Variants in TRPM1 observed in about 807,000 individuals in gnomAD.
The protein encoded by TRPM1 is TRPM1-203 APA Isoform, Intron 10.
A neutral mutation model predicts 149.4 loss-of-function variants in TRPM1; 113 were observed. The ratio of observed to expected loss-of-function variants is 0.76; its 90% CI spans 0.65 to 0.88. TRPM1 has a LOEUF of 0.88. Ranked by LOEUF, TRPM1 falls within the 40% of genes least tolerant of loss-of-function variation. The probability of loss-of-function intolerance (pLI) is 0.00; values close to 1 mark genes in which losing one functional copy is unlikely to be tolerated. For missense variants in TRPM1, 1,976 were observed against 2,038.7 expected, an observed-to-expected ratio of 0.97 and a Z score of 0.59; for synonymous variants, 741 against 759.5, an observed-to-expected ratio of 0.98 and a Z score of 0.40.
intron 22 of TRPM1, among the ~76,000 whole-genome samples, chr15:31,032,160 T>C (rs1413876906): frequency 1.3e-5 from 2 of 152,168 alleles, no homozygotes; most frequent in African/African-American, 4.8e-5. Flanking sequence ...ATTTTGCTAC[T>C]GAATTCCTAT....
chr15:31,057,197 A>C (rs765029829), intron 11 of TRPM1, among the ~76,000 whole-genome samples: 9 of 152,192 alleles, frequency 5.9e-5, no homozygotes, highest in Non-Finnish European at 1.3e-4. Flanking sequence ...GAGAATAGAT[A>C]TGGCTGCAGC....
chr15:31,150,686 A>G (rs201701661), intron 1 of TRPM1, among the ~76,000 whole-genome samples: 6 of 152,078 alleles, frequency 3.9e-5, no homozygotes, highest in Non-Finnish European at 8.8e-5. Flanking sequence ...CACCCGCCTC[A>G]GCCTCCCAAA....
Position 31,081,369 on chromosome 15 carries a change from G to A in TRPM1, c.-14C>T. ...GGTATTAACCATGAGTTTTCAAAAA[G>A]TTGATATAAGGAAATAGCCTCAGTC... On this transcript the variant is annotated 5_prime_UTR_variant, in exon 2 of 28. Transcript: ENST00000256552. 2.0e-6 allele frequency: 3 copies of A among 1,533,970 alleles called. No individual in the cohort carries two copies. Among genetic ancestry groups the A allele is most frequent in the Non-Finnish European group, 2.6e-6 (3 of 1,145,704 alleles).
At chr15:31,135,383 T>C (rs1366745875) in intron 1 of TRPM1, among the ~76,000 whole-genome samples, 1 of 152,126 alleles carries the variant, frequency 6.6e-6, no homozygotes, top group African/African-American at 2.4e-5. Flanking sequence ...TTGAACATGA[T>C]AAATGCATAC....
intron 1 of TRPM1, among the ~76,000 whole-genome samples, chr15:31,149,627 C>T: frequency 6.6e-6 from 1 of 150,448 alleles, no homozygotes; most frequent in Non-Finnish European, 1.5e-5. Context: ...TCACGCCATT[C>T]TCCTGCCTCA....
At chr15:31,159,763 C>T (rs946637026) in intron 1 of TRPM1, among the ~76,000 whole-genome samples, 23 of 152,264 alleles carry the variant, frequency 1.5e-4, no homozygotes, top group African/African-American at 4.6e-4. Context: ...ATTTTATGGA[C>T]GGGGAGACTG....
chr15:31,119,629 T>C (rs1377116885), intron 1 of TRPM1, among the ~76,000 whole-genome samples: 1 of 151,712 alleles, frequency 6.6e-6, no homozygotes, highest in East Asian at 1.9e-4. Flanking sequence ...TTAATTTATC[T>C]AACAGATAAC....
intron 11 of TRPM1, among the ~76,000 whole-genome samples, chr15:31,058,367 C>T (rs915502413): frequency 6.6e-6 from 1 of 152,186 alleles, no homozygotes; most frequent in African/African-American, 2.4e-5. Context: ...AACCTTGATG[C>T]CTGTCATATT....
intron 20 of TRPM1, among the ~76,000 whole-genome samples, chr15:31,037,339 T>A (rs1396322060): frequency 6.6e-6 from 1 of 152,230 alleles, no homozygotes; most frequent in African/African-American, 2.4e-5. Context: ...ACCAATTTCA[T>A]GAAAAATGGA....
chr15:31,083,619 G>A (rs1045027095), intron 1 of TRPM1, among the ~76,000 whole-genome samples: 3 of 152,196 alleles, frequency 2.0e-5, no homozygotes, highest in African/African-American at 7.2e-5. Context: ...CTTATATGCA[G>A]AAAGGATTAA....
At chr15:31,068,388 T>G (rs145250383) in intron 4 of TRPM1, among the ~76,000 whole-genome samples, 1 of 152,200 alleles carries the variant, frequency 6.6e-6, no homozygotes, top group African/African-American at 2.4e-5. Flanking sequence ...AGGTGGGATG[T>G]TAGAAGGTGA....
chr15:31,047,618 C>T (rs1490883574), intron 14 of TRPM1, among the ~76,000 whole-genome samples: 1 of 152,208 alleles, frequency 6.6e-6, no homozygotes, highest in Non-Finnish European at 1.5e-5. Context: ...CCTTCCCCAA[C>T]CCCACCCAGT....
intron 1 of TRPM1, among the ~76,000 whole-genome samples, chr15:31,094,894 A>G (rs1313723889): frequency 6.6e-6 from 1 of 152,236 alleles, no homozygotes; most frequent in Non-Finnish European, 1.5e-5. Flanking sequence ...GAGAAATGAA[A>G]ACAGAGACTC....
intron 1 of TRPM1, among the ~76,000 whole-genome samples, chr15:31,156,798 A>G (rs1470921773): frequency 1.3e-5 from 2 of 152,216 alleles, no homozygotes; most frequent in African/African-American, 4.8e-5. Context: ...ATGTCTTTAA[A>G]TGTTTCACAG....
intron 1 of TRPM1, among the ~76,000 whole-genome samples, chr15:31,154,125 CAATT>C (rs1418890846): frequency 1.3e-5 from 2 of 152,234 alleles, no homozygotes; most frequent in Admixed American, 6.5e-5. Flanking sequence ...CGGAATTTAA[CAATT>C]AAAGAAAACT....
intron 1 of TRPM1, among the ~76,000 whole-genome samples, chr15:31,159,811 C>T (rs902365857): frequency 2.6e-5 from 4 of 152,122 alleles, no homozygotes; most frequent in Non-Finnish European, 4.4e-5. Flanking sequence ...AAGCAGTTCC[C>T]GCCTAGGGCT....
At chr15:31,006,068 G>T (rs185563643) in intron 27 of TRPM1, among the ~76,000 whole-genome samples, 2 of 152,186 alleles carry the variant, frequency 1.3e-5, no homozygotes, top group African/African-American at 4.8e-5. Flanking sequence ...AGCACAGAGT[G>T]AAAAATATTT....
At chr15:31,084,909 G>A (rs1285911813) in intron 1 of TRPM1, among the ~76,000 whole-genome samples, 3 of 149,202 alleles carry the variant, frequency 2.0e-5, no homozygotes, top group African/African-American at 7.4e-5. Context: ...GGCTGGTCTC[G>A]AACTCCTGAC....
chr15:31,031,038 G>T lies in TRPM1; in HGVS notation c.3072C>A (p.Ile1024=). 1.2e-6 allele frequency: 2 copies of T among 1,614,202 alleles called. No homozygotes were observed. The highest frequency in any genetic ancestry group is 2.2e-5 in the East Asian group (1 of 44,882). ...EKPSWKLARN[I]FYMPYWMIYG... is the part of the protein sequence containing the mutation. Reference sequence around the variant, plus strand: ...AGATCATCCAGTAGGGCATGTAGAAGATGTTTCGGGCCAGTTTCCAAGAGG... The same window carrying T: ...AGATCATCCAGTAGGGCATGTAGAATATGTTTCGGGCCAGTTTCCAAGAGG... Residue 1024 remains isoleucine (I), a synonymous_variant, in exon 23 of 28, where the codon ATC becomes ATA. Coordinates refer to ENST00000256552, the MANE Select transcript of TRPM1 (RefSeq NM_001252024.2).
Sources: gnomAD v4.1 joint callset for allele counts (sites outside exome capture counted in the v4.1 genomes callset) on GRCh38, gnomAD v4.1.1 for gene constraint, MANE v1.5 for transcripts, NCBI Gene and HGNC (gene_info 2026-07-23, HGNC 2026-07-21) for gene names.